Variants in NKAIN2 observed in about 807,000 individuals in gnomAD.
NKAIN2 encodes the protein sodium/potassium-transporting ATPase subunit beta-1-interacting protein 2.
Under a neutral mutation model 32.6 loss-of-function variants are expected in NKAIN2, and 14 were observed. That is an observed-to-expected ratio of 0.43 (90% confidence interval 0.28 to 0.67). The LOEUF (loss-of-function observed/expected upper bound fraction) is 0.67. NKAIN2 is among the 30% of genes least tolerant of loss of function. The pLI is 0.17. For synonymous variants in NKAIN2, 80 were observed against 87.2 expected, an observed-to-expected ratio of 0.92 and a Z score of 0.46; for missense variants, 198 against 258.3, an observed-to-expected ratio of 0.77 and a Z score of 1.60.
chr6:124,204,771 T>C (rs1790772349), intron 1 of NKAIN2, among the ~76,000 whole-genome samples: 1 of 151,788 alleles, frequency 6.6e-6, no homozygotes, highest in Non-Finnish European at 1.5e-5. Flanking sequence ...CTGAAAATCA[T>C]GAAATTCAAA....
chr6:124,724,340 G>A (rs1190192938), intron 4 of NKAIN2, among the ~76,000 whole-genome samples: 1 of 151,884 alleles, frequency 6.6e-6, no homozygotes, highest in East Asian at 1.9e-4. Flanking sequence ...ATGCAGAAAA[G>A]TTTGCTCTCA....
At chr6:123,943,844 C>A (rs1275104357) in intron 1 of NKAIN2, among the ~76,000 whole-genome samples, 1 of 151,980 alleles carries the variant, frequency 6.6e-6, no homozygotes, top group South Asian at 2.1e-4. Context: ...TTTAATAATA[C>A]CATTTTAATT....
At chr6:124,224,556 G>A (rs1453944752) in intron 1 of NKAIN2, among the ~76,000 whole-genome samples, 1 of 151,978 alleles carries the variant, frequency 6.6e-6, no homozygotes, top group African/African-American at 2.4e-5. Context: ...TACTGTTCTG[G>A]ACAAAAATCA....
At chr6:124,418,151 G>T (rs1774578194) in intron 3 of NKAIN2, among the ~76,000 whole-genome samples, 1 of 151,092 alleles carries the variant, frequency 6.6e-6, no homozygotes, top group Non-Finnish European at 1.5e-5. Context: ...CAATGTCCCT[G>T]TGTGGACTGT....
intron 1 of NKAIN2, among the ~76,000 whole-genome samples, chr6:124,194,288 A>G (rs1249945879): frequency 1.3e-5 from 2 of 151,556 alleles, no homozygotes; most frequent in African/African-American, 4.8e-5. Context: ...CTTTTGCCTT[A>G]TTTTACTTTA....
At chr6:124,174,312 T>C (rs1471294417) in intron 1 of NKAIN2, among the ~76,000 whole-genome samples, 1 of 152,134 alleles carries the variant, frequency 6.6e-6, no homozygotes, top group Non-Finnish European at 1.5e-5. Flanking sequence ...TAAAAGCACC[T>C]TTCAACTTTA....
chr6:124,805,189 C>T (rs920845188), intron 5 of NKAIN2, among the ~76,000 whole-genome samples: 5 of 152,232 alleles, frequency 3.3e-5, no homozygotes, highest in African/African-American at 1.2e-4. Flanking sequence ...AATGCCTCCT[C>T]AAGTGGGTCC....
At chr6:124,169,070 T>C (rs755365622) in intron 1 of NKAIN2, among the ~76,000 whole-genome samples, 1 of 152,146 alleles carries the variant, frequency 6.6e-6, no homozygotes, top group Non-Finnish European at 1.5e-5. Flanking sequence ...TAATATTGAA[T>C]GTTCAGAATT....
chr6:123,856,152 A>G (rs1386853882), intron 1 of NKAIN2, among the ~76,000 whole-genome samples: 2 of 152,168 alleles, frequency 1.3e-5, no homozygotes, highest in Admixed American at 6.6e-5. Context: ...AGACCTTGCA[A>G]TAAAACCCCT....
intron 1 of NKAIN2, among the ~76,000 whole-genome samples, chr6:123,849,246 T>G (rs1319570571): frequency 6.6e-6 from 1 of 152,238 alleles, no homozygotes; most frequent in Non-Finnish European, 1.5e-5. Flanking sequence ...GAATTAATAC[T>G]AATAACAGCT....
At chr6:124,293,717 C>T (rs938408832) in intron 2 of NKAIN2, among the ~76,000 whole-genome samples, 1 of 152,036 alleles carries the variant, frequency 6.6e-6, no homozygotes, top group African/African-American at 2.4e-5. Context: ...TTCTATTGCT[C>T]TTTTTAGAAT....
chr6:124,616,984 C>G (rs964362181), intron 3 of NKAIN2, among the ~76,000 whole-genome samples: 2 of 152,090 alleles, frequency 1.3e-5, no homozygotes, highest in Admixed American at 1.3e-4. Flanking sequence ...ACAATAAAGT[C>G]CCAGAAATGT....
At position 124,262,023 on chromosome 6, in the gene NKAIN2, G is replaced by A. The variant is rs534994722; in HGVS notation, c.55-20982G>A. The stretch of plus-strand genomic sequence containing the variant: ...ATCAAAATTAACTGAAAATTTGCGT[G>A]TGCCACTCTGCCATCTCTTTGAGGG... On this transcript the variant is annotated intron_variant, in intron 1 of 6. Transcript: ENST00000368417. Among the ~76,000 whole-genome samples, 27 of 152,028 alleles carry A rather than the reference G, an allele frequency of 1.8e-4. No homozygotes were observed. In the East Asian group the frequency reaches 4.7e-3, roughly 26 times the overall value.
At chr6:124,582,502 T>G (rs1308662342) in intron 3 of NKAIN2, among the ~76,000 whole-genome samples, 1 of 152,112 alleles carries the variant, frequency 6.6e-6, no homozygotes, top group Admixed American at 6.5e-5. Context: ...CAGGACCTGA[T>G]AGCTTCACTG....
At chr6:124,287,989 T>G in intron 2 of NKAIN2, among the ~76,000 whole-genome samples, 1 of 152,086 alleles carries the variant, frequency 6.6e-6, no homozygotes, top group East Asian at 1.9e-4. Flanking sequence ...CTTCTTTCCT[T>G]TCTTCCAAAC....
intron 3 of NKAIN2, among the ~76,000 whole-genome samples, chr6:124,521,272 A>T (rs1779110259): frequency 6.6e-6 from 1 of 152,172 alleles, no homozygotes; most frequent in South Asian, 2.1e-4. Flanking sequence ...TGTTGACTGT[A>T]GGTGTTTTCT....
At chr6:123,969,232 T>C (rs887270269) in intron 1 of NKAIN2, among the ~76,000 whole-genome samples, 2 of 152,164 alleles carry the variant, frequency 1.3e-5, no homozygotes, top group African/African-American at 4.8e-5. Flanking sequence ...GCAAGCGCCT[T>C]AGGTATTAAT....
chr6:124,713,400 T>C (rs563506617), intron 4 of NKAIN2, among the ~76,000 whole-genome samples: 81 of 152,218 alleles, frequency 5.3e-4, no homozygotes, highest in Non-Finnish European at 1.0e-3. Context: ...TAACAGATAC[T>C]GGAAGATAAA....
intron 1 of NKAIN2, among the ~76,000 whole-genome samples, chr6:124,217,382 A>G (rs1791531972): frequency 6.6e-6 from 1 of 152,078 alleles, no homozygotes. Context: ...GCTCATCTAC[A>G]TGGTTAAGTC....
Sources: allele counts gnomAD v4.1 joint callset (sites outside exome capture counted in the v4.1 genomes callset), GRCh38; gene constraint gnomAD v4.1.1; transcripts MANE v1.5; gene names NCBI Gene and HGNC (gene_info 2026-07-23, HGNC 2026-07-21).